The following RBMS3 variants were observed in gnomAD, a reference collection of about 807,000 sequenced individuals.
RBMS3 encodes the protein RNA-binding motif, single-stranded-interacting protein 3.
A neutral mutation model predicts 66.8 loss-of-function variants in RBMS3; 27 were observed. The observed-to-expected ratio is 0.40, with a 90% CI of 0.30 to 0.56. The LOEUF (loss-of-function observed/expected upper bound fraction) is 0.56, where lower values mean the gene tolerates loss of function less well. Among genes scored for constraint, RBMS3 ranks in the 20% least tolerant of loss-of-function variants. The pLI, the probability that RBMS3 is intolerant of heterozygous loss-of-function variation, is 0.40. For missense variants in RBMS3, 513 were observed against 549.5 expected (o/e 0.93, Z 0.66); for synonymous variants, 188 against 183.0 (o/e 1.03, Z -0.22).
chr3:29,778,248 A>G (rs548609310), intron 6 of RBMS3, among the ~76,000 whole-genome samples: 2 of 151,850 alleles, frequency 1.3e-5, no homozygotes, highest in Non-Finnish European at 2.9e-5. Context: ...TTCAGGGTTT[A>G]AACATTTCCT....
chr3:29,928,402 G>C (rs2061010766), intron 10 of RBMS3, among the ~76,000 whole-genome samples: 12 of 151,390 alleles, frequency 7.9e-5, no homozygotes, highest in Admixed American at 7.9e-4. Flanking sequence ...AAATATATTT[G>C]ATTAATCAAT....
Position 29,819,315 on chromosome 3 carries a change from A to G in RBMS3, c.638-49543A>G, listed in dbSNP as rs765793299. 2.6e-5 allele frequency among the ~76,000 whole-genome samples: 4 copies of G among 152,056 alleles called. No individual in the cohort carries two copies. In the South Asian group the frequency reaches 8.3e-4, roughly 32 times the overall value. On this transcript the variant is annotated intron_variant, in intron 6 of 14. Coordinates refer to ENST00000383767, the MANE Select transcript of RBMS3 (RefSeq NM_001003793.3). ...ATAACCTCTCTATGACAGCTACTCA[A>G]CTCTTCTCTGGTGGCAATAAAAAGC...
chr3:29,471,131 A>C (rs2042711627), intron 2 of RBMS3, among the ~76,000 whole-genome samples: 1 of 152,220 alleles, frequency 6.6e-6, no homozygotes, highest in East Asian at 1.9e-4. Flanking sequence ...CACAAACAAA[A>C]AAATATATAG....
intron 2 of RBMS3, among the ~76,000 whole-genome samples, chr3:29,466,608 G>C (rs1169216210): frequency 6.6e-6 from 1 of 152,096 alleles, no homozygotes; most frequent in Non-Finnish European, 1.5e-5. Flanking sequence ...TGATTGAATA[G>C]TTGGGAGATT....
At chr3:29,813,885 G>C (rs2149462504) in intron 6 of RBMS3, among the ~76,000 whole-genome samples, 1 of 152,296 alleles carries the variant, frequency 6.6e-6, no homozygotes, top group South Asian at 2.1e-4. Flanking sequence ...TTTGGGCTGA[G>C]ACAATGGGGT....
chr3:29,563,806 C>T (rs532252490), intron 3 of RBMS3, among the ~76,000 whole-genome samples: 29 of 151,928 alleles, frequency 1.9e-4, no homozygotes, highest in African/African-American at 7.0e-4. Flanking sequence ...AGGAGGACCA[C>T]TTGGGGCCAG....
Position 30,004,090 on chromosome 3 carries a change from TAAAG to T in RBMS3, c.*232_*235del, listed in dbSNP as rs1480699866. The stretch of plus-strand genomic sequence containing the variant: ...TTATTTTTGCCATCATTTTTTTAAT[TAAAG>T]AAAAAATTTCCAGAAGAGGAAAAAA... On this transcript the variant is annotated 3_prime_UTR_variant, in exon 15 of 15. Transcript: ENST00000383767. 8.4e-6 allele frequency: 3 copies of T among 357,870 alleles called. No individual in the cohort carries two copies. The highest frequency in any genetic ancestry group is 4.3e-5 in the African/African-American group (2 of 46,810). 22.2% of individuals were successfully genotyped at this position (357,870 alleles called of 1,614,324 possible). A position where few individuals can be genotyped will look rare whatever the true frequency, so the allele number is the denominator to read the frequency against.
chr3:29,478,550 A>G (rs2043028295), intron 2 of RBMS3, among the ~76,000 whole-genome samples: 1 of 152,178 alleles, frequency 6.6e-6, no homozygotes, highest in African/African-American at 2.4e-5. Context: ...GAATTTTGGG[A>G]AAATACAAAC....
At chr3:29,638,278 A>G (rs2049548983) in intron 4 of RBMS3, among the ~76,000 whole-genome samples, 1 of 151,500 alleles carries the variant, frequency 6.6e-6, no homozygotes, top group South Asian at 2.1e-4. Flanking sequence ...ACATGCTAGG[A>G]CAGGTTCACA....
intron 1 of RBMS3, among the ~76,000 whole-genome samples, chr3:29,312,402 T>C (rs1424573560): frequency 1.3e-5 from 2 of 151,732 alleles, no homozygotes; most frequent in East Asian, 1.9e-4. Flanking sequence ...TTCACTTACA[T>C]AGGGACACAA....
intron 4 of RBMS3, among the ~76,000 whole-genome samples, chr3:29,640,278 A>C (rs926826563): frequency 6.6e-6 from 1 of 150,480 alleles, no homozygotes; most frequent in Non-Finnish European, 1.5e-5. Flanking sequence ...ACACACACAC[A>C]CACACACCCA....
At chr3:29,476,526 A>G (rs1277593821) in intron 2 of RBMS3, among the ~76,000 whole-genome samples, 1 of 152,214 alleles carries the variant, frequency 6.6e-6, no homozygotes, top group Non-Finnish European at 1.5e-5. Flanking sequence ...GCTCCCTAGT[A>G]TAGTTCCACA....
chr3:29,675,251 C>G (rs1394981286), intron 4 of RBMS3, among the ~76,000 whole-genome samples: 2 of 152,140 alleles, frequency 1.3e-5, no homozygotes, highest in Admixed American at 6.6e-5. Flanking sequence ...GGATCCCTTC[C>G]TTACACCTTA....
At chr3:29,579,855 C>T (rs2047263003) in intron 3 of RBMS3, among the ~76,000 whole-genome samples, 1 of 152,134 alleles carries the variant, frequency 6.6e-6, no homozygotes, top group Non-Finnish European at 1.5e-5. Flanking sequence ...TTTGGCAAAT[C>T]AGTAAGTTTC....
At chr3:29,627,286 TTC>T (rs140189450) in intron 4 of RBMS3, among the ~76,000 whole-genome samples, 29,094 of 149,020 alleles carry the variant, frequency 0.2, 3,019 homozygotes, top group Middle Eastern at 0.27. Context: ...TCTCTCTCTC[TTC>T]TCTCTCTCTC....
chr3:29,337,767 A>G lies in RBMS3; in HGVS notation c.75+56011A>G, dbSNP rs554948890. Among the ~76,000 whole-genome samples the G allele has an allele frequency of 2.7e-3, 405 of 152,308 alleles. 1 individual carries two copies. The highest frequency in any genetic ancestry group is 4.3e-3 in the Non-Finnish European group (290 of 68,020). On this transcript the variant is annotated intron_variant, in intron 1 of 14. Transcript: ENST00000383767. ...ATGTAATAATACAACCATCTGATAA[A>G]GCACAAATAAAAAACAACCTTACAA...
intron 1 of RBMS3, among the ~76,000 whole-genome samples, chr3:29,293,974 G>A (rs1364542370): frequency 6.7e-6 from 1 of 149,752 alleles, no homozygotes; most frequent in African/African-American, 2.5e-5. Flanking sequence ...TTGCTTAGTT[G>A]TAAATTTATT....
intron 4 of RBMS3, among the ~76,000 whole-genome samples, chr3:29,633,945 A>G (rs556889915): frequency 6.6e-6 from 1 of 152,086 alleles, no homozygotes; most frequent in South Asian, 2.1e-4. Flanking sequence ...GCATTTAGCA[A>G]AATAGAGTCA....
intron 1 of RBMS3, among the ~76,000 whole-genome samples, chr3:29,359,098 A>T (rs375035194): frequency 1.4e-4 from 21 of 152,166 alleles, no homozygotes; most frequent in Admixed American, 3.3e-4. Context: ...ATAGGAGTGG[A>T]GAGAGAGGGC....
Sources: allele counts gnomAD v4.1 joint callset (sites outside exome capture counted in the v4.1 genomes callset), GRCh38; gene constraint gnomAD v4.1.1; transcripts MANE v1.5; gene names NCBI Gene and HGNC (gene_info 2026-07-23, HGNC 2026-07-21).